ATP11A: variants seen among roughly 807,000 people sequenced by gnomAD.
ATP11A encodes ATPase phospholipid transporting 11A, also known as phospholipid-transporting ATPase IH.
A neutral mutation model predicts 154.4 loss-of-function variants in ATP11A; 81 were observed. The observed-to-expected ratio is 0.52, with a 90% CI of 0.44 to 0.63. The LOEUF (loss-of-function observed/expected upper bound fraction) is 0.63. ATP11A is among the 30% of genes least tolerant of loss of function. The pLI, the probability that ATP11A is intolerant of heterozygous loss-of-function variation, is 0.00. For missense variants in ATP11A, 1,316 were observed against 1,474.3 expected (o/e 0.89, Z 1.76); for synonymous variants, 623 against 585.9 (o/e 1.06, Z -0.91).
chr13:112,691,350 G>C (rs987729777), intron 1 of ATP11A, among the ~76,000 whole-genome samples: 2 of 151,794 alleles, frequency 1.3e-5, no homozygotes. Flanking sequence ...TGGGATCCCA[G>C]CTACTCAGGA....
chr13:112,735,860 A>G (rs1406826116), intron 1 of ATP11A, among the ~76,000 whole-genome samples: 2 of 152,232 alleles, frequency 1.3e-5, no homozygotes, highest in African/African-American at 2.4e-5. Context: ...ACTAAGGAGC[A>G]CCTGACTTTT....
At chr13:112,730,560 T>G (rs753121713) in intron 1 of ATP11A, among the ~76,000 whole-genome samples, 1 of 152,174 alleles carries the variant, frequency 6.6e-6, no homozygotes, top group East Asian at 1.9e-4. Flanking sequence ...CCCAGGAAAC[T>G]CCACAGCGTG....
chr13:112,855,125 C>T (rs995523520), intron 19 of ATP11A, among the ~76,000 whole-genome samples: 14 of 152,208 alleles, frequency 9.2e-5, no homozygotes, highest in Admixed American at 3.3e-4. Context: ...TTAAGTTATT[C>T]ATAAATAGCA....
At chr13:112,726,049 T>C (rs1290653699) in intron 1 of ATP11A, among the ~76,000 whole-genome samples, 2 of 152,394 alleles carry the variant, frequency 1.3e-5, no homozygotes, top group East Asian at 3.9e-4. Flanking sequence ...TAAACGCAGC[T>C]GGTGTCTAGG....
At position 112,816,086 on chromosome 13, in the gene ATP11A, G is replaced by A. The variant is rs753776922; in HGVS notation, c.445G>A (p.Gly149Arg). Residue 149 changes from glycine to arginine, a missense_variant, in exon 6 of 30, where the codon GGG (glycine) becomes AGG (arginine). Physicochemically the swap from Gly to Arg is moderately radical, Grantham distance 125 (BLOSUM62 -2). Coordinates refer to ENST00000375645, the MANE Select transcript of ATP11A (RefSeq NM_015205.3). The part of the protein sequence containing the change: ...VRKQSRKLRV[G>R]DIVMVKEDET... ...TCCTTTCTGCTTTGTCCTGTAGGTT[G>A]GGGACATTGTCATGGTTAAGGAGGA... The A allele has an allele frequency of 6.2e-7, 1 of 1,614,192 alleles. No homozygotes were observed. Among genetic ancestry groups the A allele is most frequent in the Non-Finnish European group, 8.5e-7 (1 of 1,180,050 alleles).
chr13:112,816,427 T>C (rs1407846582), intron 6 of ATP11A, among the ~76,000 whole-genome samples: 1 of 152,252 alleles, frequency 6.6e-6, no homozygotes. Flanking sequence ...TGTGTATATT[T>C]GAGGCATATA....
chr13:112,836,747 G>T (rs188664324), intron 16 of ATP11A, among the ~76,000 whole-genome samples: 1 of 152,248 alleles, frequency 6.6e-6, no homozygotes, highest in Non-Finnish European at 1.5e-5. Flanking sequence ...CAGCACACTC[G>T]GTTCGTGCTC....
At chr13:112,878,696 C>T (rs1490344707) in intron 29 of ATP11A, among the ~76,000 whole-genome samples, 1 of 152,210 alleles carries the variant, frequency 6.6e-6, no homozygotes, top group African/African-American at 2.4e-5. Flanking sequence ...CACACCCTTC[C>T]CTCTGCAGCC....
rs751543251 is a variant in ATP11A, at chr13:112,871,780, G to T, written c.3037G>T (p.Val1013Leu). 1.2e-6 allele frequency: 2 copies of T among 1,614,178 alleles called. No individual in the cohort carries two copies. The highest frequency in any genetic ancestry group is 1.7e-6 in the Non-Finnish European group (2 of 1,180,026). Reference protein sequence around the residue: ...TFGTLVFTVMVFTVTLKLALD... With the variant: ...TFGTLVFTVMLFTVTLKLALD... ...TGGAACGCTGGTATTCACCGTGATG[G>T]TGTTCACAGTTACACTAAAGGTAAG... The change falls in exon 26 of 30, where the codon GTG becomes TTG. Residue 1013 changes from valine (V) to leucine (L), a missense_variant. This residue lies in a region of ATP11A where 294 missense variants were observed against 290.2 expected (regional missense o/e 1.01). Coordinates refer to ENST00000375645, the MANE Select transcript of ATP11A (RefSeq NM_015205.3).
At chr13:112,832,646 C>T (rs927792987) in intron 13 of ATP11A, among the ~76,000 whole-genome samples, 2 of 152,220 alleles carry the variant, frequency 1.3e-5, no homozygotes, top group Admixed American at 6.5e-5. Flanking sequence ...TTTAGCCTTC[C>T]TCACCCGTCA....
At chr13:112,730,492 C>T (rs1890372653) in intron 1 of ATP11A, among the ~76,000 whole-genome samples, 1 of 152,210 alleles carries the variant, frequency 6.6e-6, no homozygotes, top group South Asian at 2.1e-4. Flanking sequence ...GTGAATAACT[C>T]CTGACACATC....
At chr13:112,862,111 G>A (rs1414726027) in intron 24 of ATP11A, among the ~76,000 whole-genome samples, 8 of 152,218 alleles carry the variant, frequency 5.3e-5, no homozygotes, top group Non-Finnish European at 8.8e-5. Context: ...TCACAAGCTC[G>A]GTGAACGTCA....
intron 2 of ATP11A, among the ~76,000 whole-genome samples, chr13:112,789,255 C>T (rs907628268): frequency 1.1e-4 from 16 of 148,662 alleles, no homozygotes; most frequent in African/African-American, 4.1e-4. Context: ...ACCGGGTGTC[C>T]TGATGCGTAG....
At chr13:112,857,605 A>G (rs1483558552) in intron 20 of ATP11A, among the ~76,000 whole-genome samples, 1 of 152,102 alleles carries the variant, frequency 6.6e-6, no homozygotes, top group Non-Finnish European at 1.5e-5. Flanking sequence ...ATCATACCTC[A>G]TTTCTTTTAC....
intron 29 of ATP11A, chr13:112,880,314 G>T: frequency 5.4e-6 from 1 of 185,932 alleles, no homozygotes; most frequent in South Asian, 1.0e-4. Flanking sequence ...TGAGCCTGTC[G>T]CTGTCTCAGT....
intron 2 of ATP11A, among the ~76,000 whole-genome samples, chr13:112,787,166 A>C (rs1216951854): frequency 7.2e-6 from 1 of 138,408 alleles, no homozygotes; most frequent in African/African-American, 3.1e-5. Flanking sequence ...GGGTGTCCTG[A>C]TGCGTAGACC....
At chr13:112,704,932 C>G (rs1337629628) in intron 1 of ATP11A, among the ~76,000 whole-genome samples, 1 of 152,170 alleles carries the variant, frequency 6.6e-6, no homozygotes, top group Non-Finnish European at 1.5e-5. Flanking sequence ...CAGCGGGACC[C>G]CTGGTGTGGG....
chr13:112,862,665 T>C, intron 25 of ATP11A, 90 bp downstream of exon 25: 2 of 1,535,648 alleles, frequency 1.3e-6, no homozygotes, highest in Non-Finnish European at 1.8e-6. Context: ...CAGAATTCAG[T>C]GCAGCCCATG....
chr13:112,768,909 T>G (rs568005627), intron 1 of ATP11A, among the ~76,000 whole-genome samples: 1 of 152,328 alleles, frequency 6.6e-6, no homozygotes, highest in East Asian at 1.9e-4. Flanking sequence ...CTGGGCCTGT[T>G]TTCCGATTCC....
Sources: gnomAD v4.1 joint callset for allele counts (sites outside exome capture counted in the v4.1 genomes callset) on GRCh38, gnomAD v4.1.1 for gene constraint, gnomAD v4.1.1 regional missense constraint, MANE v1.5 for transcripts, NCBI Gene and HGNC (gene_info 2026-07-23, HGNC 2026-07-21) for gene names.